Variants in LINGO2 observed in about 807,000 individuals in gnomAD.
The protein encoded by LINGO2 is leucine-rich repeat and immunoglobulin-like domain-containing nogo receptor-interacting protein 2.
A neutral mutation model predicts 30.6 loss-of-function variants in LINGO2; 14 were observed. That is an observed-to-expected ratio of 0.46 (90% confidence interval 0.30 to 0.72). LINGO2 has a LOEUF of 0.72. Ranked by LOEUF, LINGO2 falls within the 30% of genes least tolerant of loss-of-function variation. LINGO2 has a pLI of 0.07. For synonymous variants in LINGO2, 317 were observed against 288.5 expected, an observed-to-expected ratio of 1.10 and a Z score of -1.00; for missense variants, 729 against 751.7, an observed-to-expected ratio of 0.97 and a Z score of 0.35.
the LINGO2 span, among the ~76,000 whole-genome samples, chr9:28,882,198 A>G: frequency 6.6e-6 from 1 of 152,208 alleles, no homozygotes; most frequent in South Asian, 2.1e-4. Flanking sequence ...TCAACTTTGT[A>G]TATTTAATTT....
intron 4 of LINGO2, among the ~76,000 whole-genome samples, chr9:28,040,106 C>G (rs566439910): frequency 6.6e-6 from 1 of 152,156 alleles, no homozygotes; most frequent in African/African-American, 2.4e-5. Flanking sequence ...GACTATAAAT[C>G]AAATGTTGAA....
chr9:29,205,358 T>A, the LINGO2 span, among the ~76,000 whole-genome samples: 2 of 152,328 alleles, frequency 1.3e-5, no homozygotes, highest in South Asian at 2.1e-4. Context: ...TTTTACTCTG[T>A]TAATATGGTG....
intron 4 of LINGO2, among the ~76,000 whole-genome samples, chr9:28,052,676 T>G (rs76856152): frequency 1.4e-3 from 212 of 152,254 alleles, no homozygotes; most frequent in Middle Eastern, 6.8e-3. Context: ...TGTTCATTCC[T>G]AAGCTTTCTG....
chr9:28,495,122 T>G (rs1479441873), intron 1 of LINGO2, among the ~76,000 whole-genome samples: 3 of 152,226 alleles, frequency 2.0e-5, no homozygotes. Context: ...TATTAGCCCT[T>G]TGTCAGATGA....
the LINGO2 span, among the ~76,000 whole-genome samples, chr9:29,113,384 C>T: frequency 6.6e-6 from 1 of 152,070 alleles, no homozygotes; most frequent in Non-Finnish European, 1.5e-5. Context: ...CAGAAGTTTA[C>T]ATATAGATAA....
chr9:29,045,990 C>G, the LINGO2 span, among the ~76,000 whole-genome samples: 1 of 152,006 alleles, frequency 6.6e-6, no homozygotes, highest in Non-Finnish European at 1.5e-5. Flanking sequence ...AATTTTGTAT[C>G]CTGCAACTTT....
intron 2 of LINGO2, among the ~76,000 whole-genome samples, chr9:28,431,854 A>T (rs181063123): frequency 4.6e-5 from 7 of 152,270 alleles, no homozygotes; most frequent in Non-Finnish European, 8.8e-5. Flanking sequence ...ACAGTGAAAA[A>T]GTATTCATTC....
Position 28,368,620 on chromosome 9 carries a change from G to A in LINGO2, c.-246+4216C>T, listed in dbSNP as rs536578405. On this transcript the variant is annotated intron_variant, in intron 3 of 5. Transcript: ENST00000379992. ...TTTTTTTTTTTTTTCTTTTTGAGACGGAGTCTCGCTTTGTAGCCCAGGTTG... is the reference window on the plus strand; with the variant it reads ...TTTTTTTTTTTTTTCTTTTTGAGACAGAGTCTCGCTTTGTAGCCCAGGTTG... Among the ~76,000 whole-genome samples, 4 of 139,708 alleles carry A rather than the reference G, an allele frequency of 2.9e-5. No homozygotes were observed. The South Asian group carries it at 6.7e-4, about 23-fold the overall frequency. The allele number at this position is 139,708 out of a possible 152,430, so 91.7% of individuals were successfully genotyped here.
intron 1 of LINGO2, among the ~76,000 whole-genome samples, chr9:28,579,551 G>T (rs1156848619): frequency 6.6e-6 from 1 of 152,062 alleles, no homozygotes; most frequent in East Asian, 1.9e-4. Flanking sequence ...AGAGTCTGAA[G>T]ATTTTTAATA....
chr9:28,084,496 A>T (rs527799733), intron 4 of LINGO2, among the ~76,000 whole-genome samples: 4 of 152,154 alleles, frequency 2.6e-5, no homozygotes, highest in Non-Finnish European at 5.9e-5. Flanking sequence ...TACCTGGTAT[A>T]CGCCAGGTAC....
At chr9:28,774,416 G>A in the LINGO2 span, among the ~76,000 whole-genome samples, 1 of 152,044 alleles carries the variant, frequency 6.6e-6, no homozygotes, top group Non-Finnish European at 1.5e-5. Flanking sequence ...TCTCATGCTT[G>A]TTTGCAAGGC....
chr9:28,161,762 TC>T lies in LINGO2; in HGVS notation c.-87+133445del, dbSNP rs544538486. Among the ~76,000 whole-genome samples the T allele has an allele frequency of 4.3e-3, 660 of 152,182 alleles. 1 individual carries two copies. The highest frequency in any genetic ancestry group is 0.014 in the African/African-American group (600 of 41,536). ...ATCAGAAGATTCTATGAGAACATTA[TC>T]AAATCATACTTCAGAAATTTTGCTC... is the stretch of plus-strand genomic sequence containing the variant. On this transcript the variant is annotated intron_variant, in intron 4 of 5. Transcript: ENST00000379992.
intron 2 of LINGO2, among the ~76,000 whole-genome samples, chr9:28,374,099 A>G (rs1821019570): frequency 6.6e-6 from 1 of 151,910 alleles, no homozygotes; most frequent in African/African-American, 2.4e-5. Context: ...CCAATTTTAT[A>G]GACGAAGGAC....
chr9:28,266,837 T>C (rs1264861583), intron 4 of LINGO2, among the ~76,000 whole-genome samples: 1 of 152,056 alleles, frequency 6.6e-6, no homozygotes, highest in Admixed American at 6.6e-5. Flanking sequence ...GAGTAAGCTA[T>C]GACCAGTATT....
intron 4 of LINGO2, among the ~76,000 whole-genome samples, chr9:28,193,853 T>G (rs1819911369): frequency 6.6e-6 from 1 of 152,208 alleles, no homozygotes; most frequent in African/African-American, 2.4e-5. Flanking sequence ...GGCATCTCTC[T>G]CTATGTAGTC....
chr9:28,505,476 T>C (rs76351333), intron 1 of LINGO2, among the ~76,000 whole-genome samples: 4,309 of 152,022 alleles, frequency 0.028, 202 homozygotes, highest in African/African-American at 0.098. Context: ...GAATGTCTGT[T>C]TAGTTATGTT....
At chr9:29,071,786 C>G in the LINGO2 span, among the ~76,000 whole-genome samples, 1 of 151,818 alleles carries the variant, frequency 6.6e-6, no homozygotes, top group African/African-American at 2.4e-5. Flanking sequence ...CACACATACC[C>G]TGAGTAGCAG....
At chr9:28,751,761 AAC>A in the LINGO2 span, among the ~76,000 whole-genome samples, 923 of 152,108 alleles carry the variant, frequency 6.1e-3, 17 homozygotes, top group African/African-American at 0.021. Context: ...TGGATTCCCT[AAC>A]TCAGGTTCCT....
the LINGO2 span, among the ~76,000 whole-genome samples, chr9:29,045,030 T>C: frequency 1.3e-5 from 2 of 152,128 alleles, no homozygotes; most frequent in African/African-American, 2.4e-5. Context: ...TGATGTCAGA[T>C]GATAAAATGC....
Sources: allele counts gnomAD v4.1 joint callset (sites outside exome capture counted in the v4.1 genomes callset), GRCh38; gene constraint gnomAD v4.1.1; transcripts MANE v1.5; gene names NCBI Gene and HGNC (gene_info 2026-07-23, HGNC 2026-07-21).